The following BEND4 variants were observed in gnomAD, a reference collection of about 807,000 sequenced individuals.
BEND4 encodes the protein BEN domain-containing protein 4.
In BEND4, 27 loss-of-function variants were observed where a neutral mutation model predicts 54.7. The ratio of observed to expected loss-of-function variants is 0.49; its 90% CI spans 0.36 to 0.68. The LOEUF (loss-of-function observed/expected upper bound fraction) is 0.68, where lower values mean the gene tolerates loss of function less well. BEND4 is among the 30% of genes least tolerant of loss of function. BEND4 has a pLI of 0.00. For synonymous variants in BEND4, 327 were observed against 299.5 expected (o/e 1.09, Z -0.95); for missense variants, 702 against 697.2 (o/e 1.01, Z -0.08).
chr4:42,125,716 G>C, intron 3 of BEND4, 42 bp from the exon 4 acceptor site: 1 of 1,267,832 alleles, frequency 7.9e-7, no homozygotes, highest in East Asian at 2.5e-5. Context: ...TGGCTATCCC[G>C]TAACATGAAA....
Position 42,152,266 on chromosome 4 carries a change from T to C in BEND4, c.-123A>G, listed in dbSNP as rs1721332110. ...GTGCGCGCGTGTGGGAGGGTGTGTG[T>C]CTGTGCCGTGGCCGCCGCCGCCGCC... On this transcript the variant is annotated 5_prime_UTR_variant, in exon 2 of 6. Coordinates refer to ENST00000502486, the MANE Select transcript of BEND4 (RefSeq NM_207406.4). 1 of 1,034,084 alleles carries C rather than the reference T, an allele frequency of 9.7e-7. No individual in the cohort carries two copies. Among genetic ancestry groups the C allele is most frequent in the Non-Finnish European group, 1.2e-6 (1 of 815,314 alleles). The allele number at this position is 1,034,084 out of a possible 1,614,324, so 64.1% of individuals were successfully genotyped here. A position where few individuals can be genotyped will look rare whatever the true frequency, so the allele number is the denominator to read the frequency against.
At chr4:42,150,096 GGAT>G (rs980398161) in intron 2 of BEND4, among the ~76,000 whole-genome samples, 3 of 152,042 alleles carry the variant, frequency 2.0e-5, no homozygotes, top group South Asian at 4.1e-4. Context: ...TAAAAATACA[GGAT>G]GATAAAGCTG....
chr4:42,146,556 T>C (rs1230494889), intron 2 of BEND4, among the ~76,000 whole-genome samples: 2 of 152,120 alleles, frequency 1.3e-5, no homozygotes, highest in Non-Finnish European at 2.9e-5. Context: ...AGCTGAACTA[T>C]ACAAGTAAGA....
chr4:42,152,052 G>T lies in BEND4; in HGVS notation c.92C>A (p.Pro31His). Reference sequence around the variant, plus strand: ...CTTGGCCAGCGCCGGTCTCTTGCTGGGGAACGTCTTGAGGACGCTGTAGGG... The same window carrying T: ...CTTGGCCAGCGCCGGTCTCTTGCTGTGGAACGTCTTGAGGACGCTGTAGGG... ...RSPYSVLKTF[P>H]SKRPALAKRY... Residue 31 changes from proline (P) to histidine (H), a missense_variant, in exon 2 of 6, where the codon CCC becomes CAC. Physicochemically the swap from Pro to His is moderately conservative, Grantham distance 77. Coordinates refer to ENST00000502486, the MANE Select transcript of BEND4 (RefSeq NM_207406.4). 1 of 1,252,162 alleles carries T rather than the reference G, an allele frequency of 8.0e-7. No individual in the cohort carries two copies. Among genetic ancestry groups the T allele is most frequent in the Non-Finnish European group, 1.0e-6 (1 of 991,178 alleles). The allele number at this position is 1,252,162 out of a possible 1,614,324, so 77.6% of individuals were successfully genotyped here.
In BEND4 at chr4:42,146,279, C is replaced by T. The variant is rs4074281; in HGVS notation, c.488-2285G>A. The stretch of plus-strand genomic sequence containing the variant: ...ACCTCCACATATGTGTATGTGAGGT[C>T]CCTCCTAGTGGAAGATAAAGCTAGG... On this transcript the variant is annotated intron_variant, in intron 2 of 5. Coordinates refer to ENST00000502486, the MANE Select transcript of BEND4 (RefSeq NM_207406.4). Among the ~76,000 whole-genome samples the T allele has an allele frequency of 4.6e-3, 693 of 152,286 alleles. 5 individuals carry two copies. Among genetic ancestry groups the T allele is most frequent in the African/African-American group, 0.016 (673 of 41,548 alleles).
intron 3 of BEND4, among the ~76,000 whole-genome samples, chr4:42,127,102 TATC>T (rs916335551): frequency 3.3e-5 from 5 of 152,228 alleles, no homozygotes; most frequent in African/African-American, 7.2e-5. Flanking sequence ...AAACAGGAAT[TATC>T]ATTTTATGCA....
chr4:42,147,481 C>CTTT (rs71664398), intron 2 of BEND4, among the ~76,000 whole-genome samples: 21 of 131,930 alleles, frequency 1.6e-4, no homozygotes, highest in Admixed American at 2.3e-4. Flanking sequence ...ATTTTTTTAA[C>CTTT]TTTTTTTTTT....
At chr4:42,144,093 A>T in intron 2 of BEND4, 99 bp from the exon 3 acceptor site, 1 of 849,550 alleles carries the variant, frequency 1.2e-6, no homozygotes, top group East Asian at 2.6e-5. Flanking sequence ...TGTTAAAAAT[A>T]TGTATTTCTA....
chr4:42,144,687 G>A (rs1721017143), intron 2 of BEND4, among the ~76,000 whole-genome samples: 1 of 152,148 alleles, frequency 6.6e-6, no homozygotes, highest in African/African-American at 2.4e-5. Flanking sequence ...AAAATCAGTA[G>A]TATCACTTCT....
Position 42,151,923 on chromosome 4 carries a change from T to C in BEND4, c.221A>G (p.Glu74Gly). Residue 74 changes from glutamate to glycine, a missense_variant, in exon 2 of 6, where the codon GAG becomes GGG. By Grantham distance (98) the Glu-to-Gly change is moderately conservative (BLOSUM62 -2). Transcript: ENST00000502486. ...CGCCTGGAACTGCTGCGGCGGCGGC[T>C]CGCTGCTGCTGATGGAGACGGCGGC... ...PHAAVSISSSEPPPQQFQAQS... is the reference protein window; with the variant it reads ...PHAAVSISSSGPPPQQFQAQS... 2 of 1,253,370 alleles carry C rather than the reference T, an allele frequency of 1.6e-6. No individual in the cohort carries two copies. Among genetic ancestry groups the C allele is most frequent in the Non-Finnish European group, 1.0e-6 (1 of 1,000,318 alleles). 77.6% of individuals were successfully genotyped at this position (1,253,370 alleles called of 1,614,324 possible).
At chr4:42,140,298 C>T (rs1720838354) in intron 3 of BEND4, among the ~76,000 whole-genome samples, 2 of 152,108 alleles carry the variant, frequency 1.3e-5, no homozygotes, top group Non-Finnish European at 2.9e-5. Context: ...GTCATGAACA[C>T]GTAATAAGTA....
Position 42,143,624 on chromosome 4 carries a change from A to G in BEND4, c.858T>C (p.Pro286=). Reference sequence around the variant, plus strand: ...AAGTCCAGCCACCTAATGTATGCACAGGAGAGGTTGACAGAGGATCCACGT... The same window carrying G: ...AAGTCCAGCCACCTAATGTATGCACGGGAGAGGTTGACAGAGGATCCACGT... ...LADVDPLSTS[P]VHTLGGWTSP... is the part of the protein sequence containing the mutation. The change falls in exon 3 of 6, where the codon CCT becomes CCC. Residue 286 remains proline (P), a synonymous_variant. Coordinates refer to ENST00000502486, the MANE Select transcript of BEND4 (RefSeq NM_207406.4). 1 of 1,611,378 alleles carries G rather than the reference A, an allele frequency of 6.2e-7. No homozygotes were observed. The highest frequency in any genetic ancestry group is 8.5e-7 in the Non-Finnish European group (1 of 1,178,726).
At chr4:42,122,039 G>A (rs2153144829) in intron 4 of BEND4, among the ~76,000 whole-genome samples, 1 of 152,226 alleles carries the variant, frequency 6.6e-6, no homozygotes, top group African/African-American at 2.4e-5. Flanking sequence ...GGGAGCGGGG[G>A]TGAAATCGGG....
chr4:42,140,535 T>C (rs1449215905), intron 3 of BEND4, among the ~76,000 whole-genome samples: 1 of 152,204 alleles, frequency 6.6e-6, no homozygotes, highest in East Asian at 1.9e-4. Context: ...AATTCAATGT[T>C]TGATCATCAA....
At chr4:42,146,422 A>T (rs142141883) in intron 2 of BEND4, among the ~76,000 whole-genome samples, 21 of 152,350 alleles carry the variant, frequency 1.4e-4, no homozygotes, top group African/African-American at 4.8e-4. Context: ...AGCTTGATTT[A>T]TACTTTGTAA....
At chr4:42,123,946 G>A (rs73235521) in intron 4 of BEND4, among the ~76,000 whole-genome samples, 4,519 of 152,318 alleles carry the variant, frequency 0.03, 106 homozygotes, top group Non-Finnish European at 0.042. Context: ...GAGATCAAGC[G>A]ATGTATGGGC....
intron 5 of BEND4, 103 bp downstream of exon 5, chr4:42,119,951 A>G: frequency 6.9e-7 from 1 of 1,448,510 alleles, no homozygotes; most frequent in South Asian, 1.2e-5. Flanking sequence ...CTCAGCAGAA[A>G]GAAATCAAAA....
intron 3 of BEND4, among the ~76,000 whole-genome samples, chr4:42,131,049 C>T (rs1028340187): frequency 9.9e-5 from 15 of 152,044 alleles, no homozygotes; most frequent in African/African-American, 3.4e-4. Context: ...GGAAACAATA[C>T]ACACTGGGGC....
intron 3 of BEND4, among the ~76,000 whole-genome samples, chr4:42,128,264 G>A (rs1720362433): frequency 6.6e-6 from 1 of 152,210 alleles, no homozygotes; most frequent in South Asian, 2.1e-4. Flanking sequence ...AAAGCTGGAA[G>A]CGTTCCCCTT....
Sources: allele counts gnomAD v4.1 joint callset (sites outside exome capture counted in the v4.1 genomes callset), GRCh38; gene constraint gnomAD v4.1.1; transcripts MANE v1.5; gene names NCBI Gene and HGNC (gene_info 2026-07-23, HGNC 2026-07-21).